Variants in PSMB2 observed in about 807,000 individuals in gnomAD.
The protein encoded by PSMB2 is proteasome subunit beta type-2.
In PSMB2, 13 loss-of-function variants were observed where a neutral mutation model predicts 25.7. The observed-to-expected ratio is 0.51, with a 90% CI of 0.33 to 0.80. PSMB2 has a LOEUF of 0.80. Among genes scored for constraint, PSMB2 ranks in the 30% least tolerant of loss-of-function variants. PSMB2 has a pLI of 0.02. For synonymous variants in PSMB2, 87 were observed against 96.2 expected, an observed-to-expected ratio of 0.90 and a Z score of 0.56; for missense variants, 202 against 259.0, an observed-to-expected ratio of 0.78 and a Z score of 1.51.
At chr1:35,605,032 C>T (rs1050702011) in intron 5 of PSMB2, among the ~76,000 whole-genome samples, 4 of 152,200 alleles carry the variant, frequency 2.6e-5, no homozygotes, top group African/African-American at 9.7e-5. Context: ...ATAAAACTGA[C>T]ATTGAGGAGG....
Position 35,641,520 on chromosome 1 carries a change from G to T in PSMB2, c.-88C>A. The T allele has an allele frequency of 8.2e-6, 13 of 1,576,526 alleles. 1 individual carries two copies. In the South Asian group the frequency reaches 1.5e-4, roughly 18 times the overall value. ...CACCGGTGAGACAGCACCTCAGAGC[G>T]AAGATTGGCGCGACGCCTGCAGCAC... On this transcript the variant is annotated 5_prime_UTR_variant, in exon 1 of 6. Coordinates refer to ENST00000373237, the MANE Select transcript of PSMB2 (RefSeq NM_002794.5).
At chr1:35,636,786 T>C (rs78982086) in intron 1 of PSMB2, among the ~76,000 whole-genome samples, 3,067 of 152,302 alleles carry the variant, frequency 0.02, 89 homozygotes, top group East Asian at 0.058. Context: ...CTATACCATG[T>C]ATATAATGGA....
At position 35,601,627 on chromosome 1, in the gene PSMB2, G is replaced by A. The variant is rs1650003912; in HGVS notation, c.*1640C>T. The stretch of plus-strand genomic sequence containing the variant: ...TTAATATGAACGTTATGATCAGTAG[G>A]TAGTATCTTAGATGATACATTTAAT... On this transcript the variant is annotated 3_prime_UTR_variant, in exon 6 of 6. Coordinates refer to ENST00000373237, the MANE Select transcript of PSMB2 (RefSeq NM_002794.5). The A allele has an allele frequency of 1.0e-6, 1 of 984,736 alleles. No homozygotes were observed. The allele number at this position is 984,736 out of a possible 1,614,324, so 61.0% of individuals were successfully genotyped here.
intron 3 of PSMB2, among the ~76,000 whole-genome samples, chr1:35,629,673 G>C (rs1305383157): frequency 1.3e-5 from 2 of 151,970 alleles, no homozygotes; most frequent in Admixed American, 1.3e-4. Context: ...AGCCAGATGT[G>C]GTGGTGCACA....
rs928464303 is a variant in PSMB2, at chr1:35,601,916, C to T, written c.*1351G>A. ...GTAAAACGAGTAACTGGTTAACTGC[C>T]CATGATACATCAATTTAATGGAAAA... On this transcript the variant is annotated 3_prime_UTR_variant, in exon 6 of 6. Transcript: ENST00000373237. 3 of 984,814 alleles carry T rather than the reference C, an allele frequency of 3.0e-6. No individual in the cohort carries two copies. Among genetic ancestry groups the T allele is most frequent in the Non-Finnish European group, 2.4e-6 (2 of 829,536 alleles). The allele number at this position is 984,814 out of a possible 1,614,324, so 61.0% of individuals were successfully genotyped here.
chr1:35,620,450 G>A (rs1381831173), intron 3 of PSMB2, among the ~76,000 whole-genome samples: 1 of 152,072 alleles, frequency 6.6e-6, no homozygotes, highest in Non-Finnish European at 1.5e-5. Context: ...AATCTCATCT[G>A]ATCATGCTAA....
Position 35,641,516 on chromosome 1 carries a change from G to A in PSMB2, c.-84C>T, listed in dbSNP as rs1651396476. 1 of 1,585,906 alleles carries A rather than the reference G, an allele frequency of 6.3e-7. No individual in the cohort carries two copies. Among genetic ancestry groups the A allele is most frequent in the Non-Finnish European group, 8.6e-7 (1 of 1,163,514 alleles). ...GTCTCACCGGTGAGACAGCACCTCA[G>A]AGCGAAGATTGGCGCGACGCCTGCA... On this transcript the variant is annotated 5_prime_UTR_variant, in exon 1 of 6. Coordinates refer to ENST00000373237, the MANE Select transcript of PSMB2 (RefSeq NM_002794.5).
chr1:35,614,963 C>T (rs1308885992), intron 3 of PSMB2, among the ~76,000 whole-genome samples: 1 of 152,072 alleles, frequency 6.6e-6, no homozygotes, highest in Non-Finnish European at 1.5e-5. Flanking sequence ...TTTGAGATTT[C>T]TTCATCTGTA....
intron 3 of PSMB2, among the ~76,000 whole-genome samples, chr1:35,625,951 G>A (rs149526407): frequency 0.015 from 2,276 of 151,666 alleles, 61 homozygotes; most frequent in African/African-American, 0.051. Context: ...ATTCTCCTGC[G>A]TCAGCCTCCT....
At chr1:35,607,958 G>T (rs1417763303) in intron 4 of PSMB2, among the ~76,000 whole-genome samples, 1 of 152,186 alleles carries the variant, frequency 6.6e-6, no homozygotes, top group Non-Finnish European at 1.5e-5. Flanking sequence ...AACACTGCAC[G>T]TTCTCACTCA....
chr1:35,610,962 C>T (rs1011100126), intron 3 of PSMB2, among the ~76,000 whole-genome samples: 4 of 152,138 alleles, frequency 2.6e-5, no homozygotes, highest in Non-Finnish European at 4.4e-5. Flanking sequence ...ACTGAGTCTG[C>T]GTTGCTCTTC....
intron 3 of PSMB2, among the ~76,000 whole-genome samples, chr1:35,610,053 G>C (rs948775452): frequency 6.6e-6 from 1 of 152,168 alleles, no homozygotes; most frequent in African/African-American, 2.4e-5. Context: ...ACTGAAAAAA[G>C]CAGATGCTCC....
In PSMB2 at chr1:35,600,880, C is replaced by G; in HGVS notation, c.*2387G>C. 1.0e-6 allele frequency: 1 copy of G among 985,064 alleles called. No homozygotes were observed. The highest frequency in any genetic ancestry group is 1.2e-6 in the Non-Finnish European group (1 of 829,668). 61.0% of individuals were successfully genotyped at this position (985,064 alleles called of 1,614,324 possible). ...TCATTATACACTTACTGAGCACTTA[C>G]CACATGCCAAGCCCTGAACTAAATG... On this transcript the variant is annotated 3_prime_UTR_variant, in exon 6 of 6. Coordinates refer to ENST00000373237, the MANE Select transcript of PSMB2 (RefSeq NM_002794.5).
At chr1:35,610,196 TG>T (rs1650289100) in intron 3 of PSMB2, among the ~76,000 whole-genome samples, 1 of 152,192 alleles carries the variant, frequency 6.6e-6, no homozygotes, top group Admixed American at 6.5e-5. Context: ...CTCAGCACTT[TG>T]GGAAGCTGAG....
intron 4 of PSMB2, among the ~76,000 whole-genome samples, chr1:35,605,541 G>A (rs932145950): frequency 1.3e-5 from 2 of 152,204 alleles, no homozygotes; most frequent in African/African-American, 2.4e-5. Flanking sequence ...AAGGAATTCT[G>A]CCTCCCCTGG....
chr1:35,637,229 C>G (rs969648325), intron 1 of PSMB2, among the ~76,000 whole-genome samples: 5 of 152,074 alleles, frequency 3.3e-5, no homozygotes, highest in East Asian at 1.9e-4. Flanking sequence ...ATTAAGGAAC[C>G]ATTTCAAGAA....
intron 3 of PSMB2, among the ~76,000 whole-genome samples, chr1:35,622,926 A>G (rs1650732938): frequency 6.6e-6 from 1 of 152,174 alleles, no homozygotes; most frequent in Admixed American, 6.5e-5. Context: ...ATGATTCAAC[A>G]GCCAGTCTTT....
At chr1:35,614,383 G>T (rs1297391175) in intron 3 of PSMB2, among the ~76,000 whole-genome samples, 1 of 152,170 alleles carries the variant, frequency 6.6e-6, no homozygotes, top group African/African-American at 2.4e-5. Context: ...TCTTGACAAA[G>T]AATCTCTTAC....
chr1:35,599,807 A>AG lies in PSMB2; in HGVS notation c.*3459dup, dbSNP rs1414068762. Reference sequence around the variant, plus strand: ...GCTGTTAAATAGTCTAAGAAACGATAGGGGGTGAACCAGAGTAATGGGGAT... The same window carrying AG: ...GCTGTTAAATAGTCTAAGAAACGATAGGGGGGTGAACCAGAGTAATGGGGAT... On this transcript the variant is annotated 3_prime_UTR_variant, in exon 6 of 6. Transcript: ENST00000373237. 5.1e-6 allele frequency: 5 copies of AG among 985,026 alleles called. No individual in the cohort carries two copies. In the African/African-American group the frequency reaches 8.7e-5, roughly 17 times the overall value. The allele number at this position is 985,026 out of a possible 1,614,324, so 61.0% of individuals were successfully genotyped here. A position where few individuals can be genotyped will look rare whatever the true frequency, so the allele number is the denominator to read the frequency against.
Sources: allele counts gnomAD v4.1 joint callset (sites outside exome capture counted in the v4.1 genomes callset), GRCh38; gene constraint gnomAD v4.1.1; transcripts MANE v1.5; gene names NCBI Gene and HGNC (gene_info 2026-07-23, HGNC 2026-07-21).